Variants in CROCC observed in about 807,000 individuals in gnomAD.
The protein encoded by CROCC is ciliary rootlet coiled-coil, rootletin.
A neutral mutation model predicts 245.2 loss-of-function variants in CROCC; 180 were observed. That is an observed-to-expected ratio of 0.73 (90% CI 0.65 to 0.83). The LOEUF (loss-of-function observed/expected upper bound fraction) is 0.83, where lower values mean the gene tolerates loss of function less well. CROCC is among the 40% of genes least tolerant of loss of function. The pLI, the probability that CROCC is intolerant of heterozygous loss-of-function variation, is 0.00. For missense variants in CROCC, 2,688 were observed against 2,779.4 expected, an observed-to-expected ratio of 0.97 and a Z score of 0.74; for synonymous variants, 1,205 against 1,241.6, an observed-to-expected ratio of 0.97 and a Z score of 0.62.
chr1:16,947,282 T>C (rs2076070824), intron 17 of CROCC, among the ~76,000 whole-genome samples: 2 of 152,192 alleles, frequency 1.3e-5, no homozygotes, highest in African/African-American at 4.8e-5. Context: ...ATCAAGACCA[T>C]CCTGGCTAAC....
chr1:16,930,782 C>T (rs553647318), intron 7 of CROCC, among the ~76,000 whole-genome samples, 188 bp downstream of exon 7: 4 of 152,290 alleles, frequency 2.6e-5, no homozygotes, highest in African/African-American at 9.6e-5. Context: ...GCACGGTGTG[C>T]GTTGACCTTT....
chr1:16,928,898 C>G (rs1478089960), intron 3 of CROCC, among the ~76,000 whole-genome samples: 2 of 152,242 alleles, frequency 1.3e-5, no homozygotes, highest in African/African-American at 4.8e-5. Flanking sequence ...ACGATCTCGG[C>G]TCACTGCAAC....
At chr1:16,942,798 C>T (rs2075960578) in intron 13 of CROCC, among the ~76,000 whole-genome samples, 1 of 152,276 alleles carries the variant, frequency 6.6e-6, no homozygotes, top group Non-Finnish European at 1.5e-5. Flanking sequence ...TTGCATTCTG[C>T]TATTTTTACT....
At chr1:16,919,279 G>A (rs2075355602), upstream of CROCC, among the ~76,000 whole-genome samples, 1 of 152,280 alleles carries the variant, frequency 6.6e-6, no homozygotes, top group South Asian at 2.1e-4. Context: ...CTCATTGGGA[G>A]GCTGCTGGTC....
chr1:16,969,660 C>T, intron 32 of CROCC, 125 bp from the exon 33 acceptor site: 4 of 1,382,128 alleles, frequency 2.9e-6, no homozygotes, highest in Non-Finnish European at 3.9e-6. Context: ...GTTTGGTGTG[C>T]ACCCCACCCT....
chr1:16,936,588 T>C (rs2075792269), intron 8 of CROCC, 49 bp from the exon 9 acceptor site: 6 of 1,495,718 alleles, frequency 4.0e-6, no homozygotes, highest in Non-Finnish European at 4.5e-6. Flanking sequence ...TTTTAATTTG[T>C]AGTTGGGAGC....
chr1:16,962,428 G>A (rs1340913371), intron 27 of CROCC, among the ~76,000 whole-genome samples: 15 of 150,448 alleles, frequency 1.0e-4, no homozygotes, highest in Non-Finnish European at 1.9e-4. Flanking sequence ...CCAGCTACTC[G>A]GGAGGCTGAG....
chr1:16,922,290 C>T (rs1455949612), intron 1 of CROCC, among the ~76,000 whole-genome samples: 8 of 152,226 alleles, frequency 5.3e-5, no homozygotes, highest in African/African-American at 1.7e-4. Context: ...ATCCCAGTGC[C>T]CTGGGTTGGG....
At chr1:16,940,197 A>G in intron 13 of CROCC, 104 bp downstream of exon 13, 1 of 1,223,516 alleles carries the variant, frequency 8.2e-7, no homozygotes, top group African/African-American at 1.5e-5. Flanking sequence ...TATGGTCGCC[A>G]CTAGCTGCAT....
intron 13 of CROCC, chr1:16,941,547 T>C (rs1381736034): frequency 1.3e-5 from 2 of 152,498 alleles, no homozygotes; most frequent in African/African-American, 4.8e-5. Flanking sequence ...GCTAACACAG[T>C]GAAACCCCGT....
In CROCC at chr1:16,953,143, G is replaced by A. The variant is rs531829546; in HGVS notation, c.3007-159G>A. The A allele has an allele frequency of 1.1e-4, 74 of 679,922 alleles. 1 individual carries two copies. Among genetic ancestry groups the A allele is most frequent in the Middle Eastern group, 4.2e-4 (1 of 2,396 alleles). 42.1% of individuals were successfully genotyped at this position (679,922 alleles called of 1,614,324 possible). A position where few individuals can be genotyped will look rare whatever the true frequency, so the allele number is the denominator to read the frequency against. On this transcript the variant is annotated intron_variant, in intron 20 of 36. Coordinates refer to ENST00000375541, the MANE Select transcript of CROCC (RefSeq NM_014675.5). ...TCCTTGGCACTTTCACGGCCCTGGC[G>A]TGTCCCCGTCATAGCCCTTATCACT... is the stretch of plus-strand genomic sequence containing the variant.
At chr1:16,942,944 A>G (rs2075963639) in intron 13 of CROCC, among the ~76,000 whole-genome samples, 1 of 152,234 alleles carries the variant, frequency 6.6e-6, no homozygotes, top group African/African-American at 2.4e-5. Flanking sequence ...CATCTCTACT[A>G]AAAATAAAAA....
rs1433616048 is a variant in CROCC, at chr1:16,956,152, G to A, written c.3860G>A (p.Arg1287His). 1.9e-5 allele frequency: 29 copies of A among 1,541,450 alleles called. No homozygotes were observed. Among genetic ancestry groups the A allele is most frequent in the Admixed American group, 4.0e-5 (2 of 50,408 alleles). The change falls in exon 25 of 37, where the codon CGT becomes CAT. Residue 1287 changes from arginine (R) to histidine (H), a missense_variant. Physicochemically the swap from Arg to His is conservative, Grantham distance 29. Around this residue, in one of 9 missense-constraint regions of CROCC, gnomAD observed 1,218 missense variants for 1,286.3 expected, o/e 0.95. Transcript: ENST00000375541. ...EARRELQELRRQMKMLDSENT... is the reference protein window; with the variant it reads ...EARRELQELRHQMKMLDSENT... Reference sequence around the variant, plus strand: ...CGGCGGGAGCTGCAGGAGCTCCGGCGTCAGGTACTCTCCCTGTGCCACCCC... The same window carrying A: ...CGGCGGGAGCTGCAGGAGCTCCGGCATCAGGTACTCTCCCTGTGCCACCCC...
intron 36 of CROCC, 46 bp downstream of exon 36, chr1:16,971,693 G>C: frequency 7.0e-7 from 1 of 1,423,862 alleles, no homozygotes; most frequent in Non-Finnish European, 9.2e-7. Flanking sequence ...GATGTGTGGG[G>C]CTGCAGAAAG....
intron 2 of CROCC, 114 bp from the exon 3 acceptor site, chr1:16,924,211 C>T (rs2075476218): frequency 7.7e-7 from 1 of 1,307,010 alleles, no homozygotes; most frequent in Non-Finnish European, 1.0e-6. Flanking sequence ...GTGCTGCAGC[C>T]ATTCCCATCT....
At chr1:16,927,791 C>A (rs1045778120) in intron 3 of CROCC, among the ~76,000 whole-genome samples, 1 of 152,292 alleles carries the variant, frequency 6.6e-6, no homozygotes, top group Non-Finnish European at 1.5e-5. Context: ...GGCACAGACG[C>A]TTGACAGGCC....
chr1:16,966,652 T>C lies in CROCC; in HGVS notation c.4860+81T>C. The stretch of plus-strand genomic sequence containing the variant: ...TGTCTAACTCTTATGTGTGTCTCCC[T>C]GTGTCTGTCTGCCTGAGTCTCTCTG... On this transcript the variant is annotated intron_variant, in intron 30 of 36. Transcript: ENST00000375541. This position sits in a 1 kb window ranked among gnomAD's most constrained non-coding sequence, Gnocchi z 4.8. 1 of 1,392,462 alleles carries C rather than the reference T, an allele frequency of 7.2e-7. No individual in the cohort carries two copies. 86.3% of individuals were successfully genotyped at this position (1,392,462 alleles called of 1,614,324 possible). A position where few individuals can be genotyped will look rare whatever the true frequency, so the allele number is the denominator to read the frequency against.
At chr1:16,927,967 C>T (rs2075574073) in intron 3 of CROCC, among the ~76,000 whole-genome samples, 1 of 152,272 alleles carries the variant, frequency 6.6e-6, no homozygotes. Flanking sequence ...GTAGAGATGT[C>T]CTTGCTTTGT....
chr1:16,933,204 G>A (rs1223966995), intron 8 of CROCC, among the ~76,000 whole-genome samples: 1 of 152,266 alleles, frequency 6.6e-6, no homozygotes, highest in African/African-American at 2.4e-5. Flanking sequence ...AGTGGCTCAC[G>A]CCTATAATCC....
Sources: gnomAD v4.1 joint callset for allele counts (sites outside exome capture counted in the v4.1 genomes callset) on GRCh38, gnomAD v4.1.1 for gene constraint, gnomAD v4.1.1 regional missense constraint, Gnocchi (gnomAD v3.1) non-coding constraint, MANE v1.5 for transcripts, NCBI Gene and HGNC (gene_info 2026-07-23, HGNC 2026-07-21) for gene names.